The following FAM193B variants were observed in gnomAD, a reference collection of about 807,000 sequenced individuals.
The protein encoded by FAM193B is protein FAM193B.
Under a neutral mutation model 70.7 loss-of-function variants are expected in FAM193B, and 27 were observed. The observed-to-expected ratio is 0.38, with a 90% CI of 0.28 to 0.53. The LOEUF (loss-of-function observed/expected upper bound fraction) is 0.53, where lower values mean the gene tolerates loss of function less well. Among genes scored for constraint, FAM193B ranks in the 20% least tolerant of loss-of-function variants. The probability of loss-of-function intolerance (pLI) is 0.81; values close to 1 mark genes in which losing one functional copy is unlikely to be tolerated. For missense variants in FAM193B, 1,022 were observed against 1,072.5 expected (o/e 0.95, Z 0.66); for synonymous variants, 448 against 436.0 (o/e 1.03, Z -0.34).
chr5:177,535,857 T>C (rs1047065593), intron 4 of FAM193B, among the ~76,000 whole-genome samples: 2 of 151,998 alleles, frequency 1.3e-5, no homozygotes, highest in East Asian at 1.9e-4. Flanking sequence ...TTTTTCCTTA[T>C]ACATTTCTGA....
chr5:177,536,582 T>G lies in FAM193B; in HGVS notation c.852A>C (p.Ala284=), dbSNP rs1581896125. ...HPHLLPTTPA[A]PFPAQASECP... ...ACTCTGAAGCCTGGGCAGGGAAAGG[T>G]GCTGCCGGGGTGGTGGGCAGCAGGT... Residue 284 remains alanine, a synonymous_variant, in exon 4 of 9, where the codon GCA becomes GCC. Coordinates refer to ENST00000514747, the MANE Select transcript of FAM193B (RefSeq NM_001190946.3). 1.3e-6 allele frequency: 2 copies of G among 1,534,916 alleles called. No homozygotes were observed. Among genetic ancestry groups the G allele is most frequent in the Non-Finnish European group, 1.7e-6 (2 of 1,149,426 alleles).
intron 1 of FAM193B, chr5:177,539,439 A>C: frequency 3.1e-6 from 1 of 318,302 alleles, no homozygotes; most frequent in Non-Finnish European, 5.9e-6. Context: ...CAAATATCCT[A>C]ATTCTCTGAC....
chr5:177,534,748 A>G (rs1460538986), intron 4 of FAM193B, among the ~76,000 whole-genome samples: 8 of 152,156 alleles, frequency 5.3e-5, no homozygotes, highest in African/African-American at 1.7e-4. Flanking sequence ...CAACCTAAGT[A>G]GCTGGAACTA....
At position 177,538,011 on chromosome 5, in the gene FAM193B, A is replaced by T. The variant is rs1223755450; in HGVS notation, c.550T>A (p.Ser184Thr). Residue 184 changes from serine (S) to threonine (T), a missense_variant, in exon 3 of 9, where the codon TCT (serine) becomes ACT (threonine). Coordinates refer to ENST00000514747, the MANE Select transcript of FAM193B (RefSeq NM_001190946.3). The surrounding 1 kb of genome is among the most constrained non-coding windows in gnomAD (Gnocchi z 4.1). ...TCTCCCGAGTTCCCAGGGCAGGAAGAGGAGGACGAGGATGAGGATGATGAG... is the reference window on the plus strand; with the variant it reads ...TCTCCCGAGTTCCCAGGGCAGGAAGTGGAGGACGAGGATGAGGATGATGAG... ...SSSSSSSSSS[S>T]SCPGNSGDWD... 1 of 1,556,428 alleles carries T rather than the reference A, an allele frequency of 6.4e-7. No homozygotes were observed. Among genetic ancestry groups the T allele is most frequent in the Non-Finnish European group, 8.7e-7 (1 of 1,149,626 alleles).
chr5:177,536,262 T>C, intron 4 of FAM193B, 96 bp downstream of exon 4: 1 of 1,279,338 alleles, frequency 7.8e-7, no homozygotes, highest in Non-Finnish European at 1.1e-6. Flanking sequence ...AAAGACATAG[T>C]CTACTTTTTA....
At position 177,532,116 on chromosome 5, in the gene FAM193B, C is replaced by A. The variant is rs1763558206; in HGVS notation, c.1275+327G>T. On this transcript the variant is annotated intron_variant, in intron 5 of 8. Coordinates refer to ENST00000514747, the MANE Select transcript of FAM193B (RefSeq NM_001190946.3). This position sits in a 1 kb window ranked among gnomAD's most constrained non-coding sequence, Gnocchi z 4.9. ...TGCTTCCACTCTGCCTTCATCACTC[C>A]CAAGCGTTCACTTCTCTGGGATTAC... The A allele has an allele frequency of 7.5e-7, 1 of 1,329,478 alleles. No homozygotes were observed. Among genetic ancestry groups the A allele is most frequent in the African/African-American group, 1.5e-5 (1 of 67,504 alleles). 82.4% of individuals were successfully genotyped at this position (1,329,478 alleles called of 1,614,324 possible). A position where few individuals can be genotyped will look rare whatever the true frequency, so the allele number is the denominator to read the frequency against.
Position 177,524,946 on chromosome 5 carries a change from G to T in FAM193B, c.1535C>A (p.Pro512His). 6.6e-7 allele frequency: 1 copy of T among 1,507,718 alleles called. No homozygotes were observed. 93.4% of individuals were successfully genotyped at this position (1,507,718 alleles called of 1,614,324 possible). A position where few individuals can be genotyped will look rare whatever the true frequency, so the allele number is the denominator to read the frequency against. Reference sequence around the variant, plus strand: ...GAGGTTTGAGGGGGGTAGACTCTGAGGCTCAGGCTCAGCAGCCCCCTCCTT... The same window carrying T: ...GAGGTTTGAGGGGGGTAGACTCTGATGCTCAGGCTCAGCAGCCCCCTCCTT... The part of the protein sequence containing the change: ...FSKEGAAEPE[P>H]QSLPPSNLSG... The change falls in exon 6 of 9, where the codon CCT becomes CAT. Residue 512 changes from proline (P) to histidine (H), a missense_variant. By Grantham distance (77) the Pro-to-His change is moderately conservative. Transcript: ENST00000514747.
In FAM193B at chr5:177,538,137, GT is replaced by G. The variant is rs1199646484; in HGVS notation, c.454-31del. 6.6e-7 allele frequency: 1 copy of G among 1,513,446 alleles called. No individual in the cohort carries two copies. Among genetic ancestry groups the G allele is most frequent in the Non-Finnish European group, 8.9e-7 (1 of 1,123,070 alleles). The allele number at this position is 1,513,446 out of a possible 1,614,324, so 93.8% of individuals were successfully genotyped here. A position where few individuals can be genotyped will look rare whatever the true frequency, so the allele number is the denominator to read the frequency against. Reference sequence around the variant, plus strand: ...AGAAGGGGGAGGAAAAAGGCTCACGGTCAAACAGCAAACATCGGAGCTGACC... The same window carrying G: ...AGAAGGGGGAGGAAAAAGGCTCACGGCAAACAGCAAACATCGGAGCTGACC... On this transcript the variant is annotated intron_variant, in intron 2 of 8. Transcript: ENST00000514747. The surrounding 1 kb of genome is among the most constrained non-coding windows in gnomAD (Gnocchi z 4.1).
chr5:177,553,955 GCCCAGT>G (rs539736923), intron 1 of FAM193B: 5 of 1,252,160 alleles, frequency 4.0e-6, no homozygotes, highest in East Asian at 4.4e-5. Context: ...CGGGATCACA[GCCCAGT>G]CCCAGTCCCA....
In FAM193B at chr5:177,538,825, C is replaced by G; in HGVS notation, c.453+80G>C. The stretch of plus-strand genomic sequence containing the variant: ...GGCATGGGAGCTGCCCAAGGAGAGC[C>G]ACCTGAGGACAGGGAACAGCCTGAC... On this transcript the variant is annotated intron_variant, in intron 2 of 8. Coordinates refer to ENST00000514747, the MANE Select transcript of FAM193B (RefSeq NM_001190946.3). This position sits in a 1 kb window ranked among gnomAD's most constrained non-coding sequence, Gnocchi z 4.1. 1 of 1,567,708 alleles carries G rather than the reference C, an allele frequency of 6.4e-7. No homozygotes were observed. The highest frequency in any genetic ancestry group is 8.7e-7 in the Non-Finnish European group (1 of 1,150,902).
rs777496681 is a variant in FAM193B, at chr5:177,524,539, C to T, written c.1942G>A (p.Glu648Lys). 33 of 1,611,650 alleles carry T rather than the reference C, an allele frequency of 2.0e-5. No homozygotes were observed. In the South Asian group the frequency reaches 2.3e-4, roughly 11 times the overall value. The change falls in exon 6 of 9, where the codon GAG becomes AAG. Residue 648 changes from glutamate to lysine, a missense_variant. Transcript: ENST00000514747. ...KRQGSQAKKS[E>K]ASPAPRPPAS... ...GGGGGCCGGGGGGCTGGGCTTGCCT[C>T]GCTCTTCTTGGCCTGACTGCCCTGC...
At chr5:177,539,286 C>T (rs1764570322) in intron 1 of FAM193B, 139 bp from the exon 2 acceptor site, 2 of 1,019,666 alleles carry the variant, frequency 2.0e-6, no homozygotes, top group Non-Finnish European at 2.8e-6. Context: ...AAATTTAGTC[C>T]TTGTAACAGC....
At chr5:177,533,671 G>A (rs185675419) in intron 4 of FAM193B, among the ~76,000 whole-genome samples, 7 of 152,324 alleles carry the variant, frequency 4.6e-5, no homozygotes, top group African/African-American at 1.4e-4. Context: ...CCACTTTGCA[G>A]TGGTAGAGAG....
At chr5:177,540,382 G>A (rs1406875775) in intron 1 of FAM193B, among the ~76,000 whole-genome samples, 1 of 151,896 alleles carries the variant, frequency 6.6e-6, no homozygotes, top group Non-Finnish European at 1.5e-5. Context: ...CTGACTGGGA[G>A]ACTGATTACA....
intron 1 of FAM193B, among the ~76,000 whole-genome samples, chr5:177,551,750 A>G (rs1461942857): frequency 2.0e-5 from 3 of 152,242 alleles, no homozygotes; most frequent in Non-Finnish European, 4.4e-5. Flanking sequence ...CTTTGGATTC[A>G]GTTTGGTATA....
rs780727953 is a variant in FAM193B, at chr5:177,536,543, A to C, written c.891T>G (p.Ala297=). The part of the protein sequence containing the change: ...PAQASECPVA[A]ATAPHTPGPC... Reference sequence around the variant, plus strand: ...GCCCTGGAGTGTGGGGGGCAGTGGCAGCAGCAACAGGGCACTCTGAAGCCT... The same window carrying C: ...GCCCTGGAGTGTGGGGGGCAGTGGCCGCAGCAACAGGGCACTCTGAAGCCT... Residue 297 remains alanine (A), a synonymous_variant, in exon 4 of 9, where the codon GCT becomes GCG. Coordinates refer to ENST00000514747, the MANE Select transcript of FAM193B (RefSeq NM_001190946.3). 2.9e-5 allele frequency: 45 copies of C among 1,536,760 alleles called. No individual in the cohort carries two copies. The highest frequency in any genetic ancestry group is 3.8e-5 in the Non-Finnish European group (44 of 1,148,394).
chr5:177,524,962 C>A lies in FAM193B; in HGVS notation c.1519G>T (p.Ala507Ser). The A allele has an allele frequency of 6.6e-7, 1 of 1,508,960 alleles. No homozygotes were observed. The highest frequency in any genetic ancestry group is 8.9e-7 in the Non-Finnish European group (1 of 1,129,780). The allele number at this position is 1,508,960 out of a possible 1,614,324, so 93.5% of individuals were successfully genotyped here. The change falls in exon 6 of 9, where the codon GCT becomes TCT. Residue 507 changes from alanine (A) to serine (S), a missense_variant. Physicochemically the swap from Ala to Ser is moderately conservative, Grantham distance 99 (BLOSUM62 1). Coordinates refer to ENST00000514747, the MANE Select transcript of FAM193B (RefSeq NM_001190946.3). ...MDSNGFSKEG[A>S]AEPEPQSLPP... ...AGACTCTGAGGCTCAGGCTCAGCAG[C>A]CCCCTCCTTAGAGAAGCCATTGCTG...
intron 8 of FAM193B, among the ~76,000 whole-genome samples, chr5:177,521,488 C>T (rs1761729770): frequency 1.3e-5 from 2 of 152,216 alleles, no homozygotes; most frequent in African/African-American, 2.4e-5. Flanking sequence ...AAATGACCCA[C>T]GATGTTCACT....
chr5:177,551,158 G>A (rs1473211978), intron 1 of FAM193B, among the ~76,000 whole-genome samples: 1 of 152,190 alleles, frequency 6.6e-6, no homozygotes, highest in South Asian at 2.1e-4. Flanking sequence ...TGGGGTCAGA[G>A]AGAAGCAACT....
Sources: allele counts gnomAD v4.1 joint callset (sites outside exome capture counted in the v4.1 genomes callset), GRCh38; gene constraint gnomAD v4.1.1; non-coding constraint Gnocchi (gnomAD v3.1); transcripts MANE v1.5; gene names NCBI Gene and HGNC (gene_info 2026-07-23, HGNC 2026-07-21).